The following HNRNPA1L2 variants were observed in gnomAD, a reference collection of about 807,000 sequenced individuals.
HNRNPA1L2 encodes heterogeneous nuclear ribonucleoprotein A1-like 2.
Under a neutral mutation model 18.2 loss-of-function variants are expected in HNRNPA1L2, and 10 were observed. That is an observed-to-expected ratio of 0.55 (90% CI 0.34 to 0.93). HNRNPA1L2 has a LOEUF of 0.93. Ranked by LOEUF, HNRNPA1L2 falls within the 40% of genes least tolerant of loss-of-function variation. HNRNPA1L2 has a pLI of 0.02. For synonymous variants in HNRNPA1L2, 124 were observed against 138.6 expected (o/e 0.89, Z 0.74); for missense variants, 308 against 394.4 (o/e 0.78, Z 1.85).
rs1961704243 is a variant in HNRNPA1L2, at chr13:52,642,840, T to C, written c.348T>C (p.Thr116=). The C allele has an allele frequency of 1.3e-6, 2 of 1,596,476 alleles. No homozygotes were observed. Among genetic ancestry groups the C allele is most frequent in the African/African-American group, 1.3e-5 (1 of 74,960 alleles). ...TTGTTGGTGGCATTAAAGAAGACAC[T>C]GAAGAACATCACCTAAGAGATTATT... The part of the protein sequence containing the change: ...KIFVGGIKED[T]EEHHLRDYFE... Residue 116 remains threonine (T), a synonymous_variant, in exon 1 of 1, where the codon ACT becomes ACC. Transcript: ENST00000357495.
chr13:52,626,045 G>T, the HNRNPA1L2 span, among the ~76,000 whole-genome samples: 29 of 152,060 alleles, frequency 1.9e-4, no homozygotes, highest in Non-Finnish European at 1.5e-5. Context: ...CTCCCAGAGT[G>T]CTGGAATTAC....
chr13:52,629,402 G>T, the HNRNPA1L2 span: 1 of 218,092 alleles, frequency 4.6e-6, no homozygotes. Context: ...TGTATAGTTT[G>T]GTTTTACCTT....
chr13:52,635,592 ACACACACACACACACAC>A, the HNRNPA1L2 span, among the ~76,000 whole-genome samples: 2 of 59,822 alleles, frequency 3.3e-5, no homozygotes, highest in African/African-American at 8.1e-5. Context: ...ACACACACAC[ACACACACACACACACAC>A]ACACACACAC....
chr13:52,626,966 A>G, the HNRNPA1L2 span, among the ~76,000 whole-genome samples: 1 of 152,092 alleles, frequency 6.6e-6, no homozygotes, highest in Non-Finnish European at 1.5e-5. Flanking sequence ...ACTTGCTCTA[A>G]TATCTGTGAG....
At chr13:52,622,747 C>T in the HNRNPA1L2 span, among the ~76,000 whole-genome samples, 7,017 of 152,302 alleles carry the variant, frequency 0.046, 172 homozygotes, top group South Asian at 0.084. Flanking sequence ...TCCGTGCTTT[C>T]AGCTTTCCTG....
At chr13:52,622,943 C>T in the HNRNPA1L2 span, among the ~76,000 whole-genome samples, 1 of 152,054 alleles carries the variant, frequency 6.6e-6, no homozygotes, top group South Asian at 2.1e-4. Flanking sequence ...GGATACCCAT[C>T]ACTGACTTCC....
At chr13:52,624,921 C>A in the HNRNPA1L2 span, among the ~76,000 whole-genome samples, 1 of 152,002 alleles carries the variant, frequency 6.6e-6, no homozygotes, top group South Asian at 2.1e-4. Flanking sequence ...ATCGCAGTTA[C>A]TCGGGAGGCT....
At chr13:52,626,426 T>TAA in the HNRNPA1L2 span, among the ~76,000 whole-genome samples, 4 of 130,842 alleles carry the variant, frequency 3.1e-5, no homozygotes, top group Non-Finnish European at 3.3e-5. Context: ...TCCCATCTCT[T>TAA]AAAAAAAAAA....
chr13:52,637,664 G>A (rs368643449), upstream of HNRNPA1L2, among the ~76,000 whole-genome samples: 11 of 151,930 alleles, frequency 7.2e-5, no homozygotes, highest in African/African-American at 2.2e-4. Flanking sequence ...TAGCTCTAAC[G>A]GCGATAAAAC....
the HNRNPA1L2 span, among the ~76,000 whole-genome samples, chr13:52,636,626 C>CATTAGTGACTA: frequency 1.3e-5 from 2 of 152,108 alleles, no homozygotes; most frequent in Non-Finnish European, 2.9e-5. Flanking sequence ...AACAGTAGTA[C>CATTAGTGACTA]ATTAGTGACT....
the HNRNPA1L2 span, among the ~76,000 whole-genome samples, chr13:52,622,957 A>T: frequency 6.6e-6 from 1 of 152,240 alleles, no homozygotes; most frequent in East Asian, 1.9e-4. Flanking sequence ...GACTTCCCTT[A>T]TCAGAACAAA....
chr13:52,632,569 G>A, the HNRNPA1L2 span: 1 of 153,106 alleles, frequency 6.5e-6, no homozygotes, highest in Non-Finnish European at 1.5e-5. Context: ...TTCTGATGGT[G>A]TAATAGTTGG....
chr13:52,618,899 G>C, the HNRNPA1L2 span, among the ~76,000 whole-genome samples: 1 of 152,190 alleles, frequency 6.6e-6, no homozygotes. Context: ...AATGTAGATT[G>C]CTTTCTGTGG....
At chr13:52,631,920 C>T in the HNRNPA1L2 span, among the ~76,000 whole-genome samples, 1 of 152,058 alleles carries the variant, frequency 6.6e-6, no homozygotes, top group Non-Finnish European at 1.5e-5. Flanking sequence ...TGTGATTTAC[C>T]TATATAATCT....
At chr13:52,617,645 G>A in the HNRNPA1L2 span, 1 of 468,954 alleles carries the variant, frequency 2.1e-6, no homozygotes, top group Non-Finnish European at 3.9e-6. Flanking sequence ...ATCAGCGGCT[G>A]CAATTTTGCT....
chr13:52,638,418 C>T (rs941704871), upstream of HNRNPA1L2, among the ~76,000 whole-genome samples: 3 of 152,236 alleles, frequency 2.0e-5, no homozygotes, highest in African/African-American at 7.2e-5. Flanking sequence ...AAAGATGATA[C>T]CTCCACAGTT....
chr13:52,638,922 T>C (rs139051817), upstream of HNRNPA1L2, among the ~76,000 whole-genome samples: 17 of 152,350 alleles, frequency 1.1e-4, 2 homozygotes, highest in Middle Eastern at 0.024. Context: ...TTAAAAATCC[T>C]GTCAGCTGCA....
chr13:52,618,508 G>A, the HNRNPA1L2 span, among the ~76,000 whole-genome samples: 3 of 152,158 alleles, frequency 2.0e-5, no homozygotes, highest in Non-Finnish European at 4.4e-5. Context: ...GAGAAAAATT[G>A]CCCAGGTAGA....
chr13:52,631,442 C>G, the HNRNPA1L2 span, among the ~76,000 whole-genome samples: 18 of 152,214 alleles, frequency 1.2e-4, no homozygotes, highest in Non-Finnish European at 2.6e-4. Context: ...TTTACCAAGG[C>G]ATTTCCTCTC....
Sources: allele counts gnomAD v4.1 joint callset (sites outside exome capture counted in the v4.1 genomes callset), GRCh38; gene constraint gnomAD v4.1.1; transcripts MANE v1.5; gene names NCBI Gene and HGNC (gene_info 2026-07-23, HGNC 2026-07-21).